The following SPTBN4 variants were observed in gnomAD, a reference collection of about 807,000 sequenced individuals.
SPTBN4 encodes spectrin beta chain, non-erythrocytic 4.
Under a neutral mutation model 277.8 loss-of-function variants are expected in SPTBN4, and 96 were observed. The ratio of observed to expected loss-of-function variants is 0.35; its 90% confidence interval spans 0.29 to 0.41. The LOEUF (loss-of-function observed/expected upper bound fraction) is 0.41. Ranked by LOEUF, SPTBN4 falls within the 10% of genes least tolerant of loss-of-function variation. The pLI is 1.00. For missense variants in SPTBN4, 3,006 were observed against 3,595.7 expected (o/e 0.84, Z 4.19); for synonymous variants, 1,481 against 1,580.3 (o/e 0.94, Z 1.49).
intron 20 of SPTBN4, among the ~76,000 whole-genome samples, chr19:40,543,208 A>T (rs2080820959): frequency 6.6e-6 from 1 of 152,100 alleles, no homozygotes; most frequent in Admixed American, 6.6e-5. Context: ...CCCACACTTT[A>T]GGAGGCCAAG....
At chr19:40,535,384 G>C (rs1261857912) in intron 20 of SPTBN4, among the ~76,000 whole-genome samples, 1 of 152,014 alleles carries the variant, frequency 6.6e-6, no homozygotes, top group Non-Finnish European at 1.5e-5. Flanking sequence ...TTACCTGTCA[G>C]GAACAATGCC....
chr19:40,477,861 G>A (rs1341111805), intron 2 of SPTBN4, among the ~76,000 whole-genome samples: 1 of 151,828 alleles, frequency 6.6e-6, no homozygotes, highest in Non-Finnish European at 1.5e-5. Flanking sequence ...TTTTTGAGAC[G>A]GAGTTTCGCT....
At position 40,554,409 on chromosome 19, in the gene SPTBN4, G is replaced by A. The variant is rs1246159762; in HGVS notation, c.4937G>A (p.Ser1646Asn). The change falls in exon 23 of 36, where the codon AGT becomes AAT. Residue 1646 changes from serine to asparagine, a missense_variant. Ser to Asn is a conservative substitution (Grantham distance 46). Around this residue, in one of 5 missense-constraint regions of SPTBN4, gnomAD observed 1,759 missense variants for 2,061.5 expected, o/e 0.85. Coordinates refer to ENST00000598249, the MANE Select transcript of SPTBN4 (RefSeq NM_020971.3). The surrounding 1 kb of genome is among the most constrained non-coding windows in gnomAD (Gnocchi z 5.7). ...WLGEQELLMM[S>N]EDKGKDEQST... ...GGCGAGCAGGAGCTGCTCATGATGAGTGAGGACAAGGGCAAGGTGCGCCCG... is the reference window on the plus strand; with the variant it reads ...GGCGAGCAGGAGCTGCTCATGATGAATGAGGACAAGGGCAAGGTGCGCCCG... The A allele has an allele frequency of 6.3e-7, 1 of 1,582,876 alleles. No homozygotes were observed. Among genetic ancestry groups the A allele is most frequent in the Admixed American group, 1.8e-5 (1 of 56,720 alleles).
chr19:40,523,683 T>C, intron 17 of SPTBN4, 44 bp downstream of exon 17: 1 of 1,557,404 alleles, frequency 6.4e-7, no homozygotes, highest in Non-Finnish European at 8.7e-7. Context: ...GGGCAGAAGA[T>C]GGGGCCCAGC....
Position 40,575,650 on chromosome 19 carries a change from G to A in SPTBN4, c.*81G>A. The A allele has an allele frequency of 6.8e-7, 1 of 1,473,240 alleles. No homozygotes were observed. The highest frequency in any genetic ancestry group is 1.3e-5 in the South Asian group (1 of 75,404). 91.3% of individuals were successfully genotyped at this position (1,473,240 alleles called of 1,614,324 possible). ...CACAAAGACACTTTTTCTTCCGCAG[G>A]GGCGGGAGCCCCTAGTTCCAACACT... On this transcript the variant is annotated 3_prime_UTR_variant, in exon 36 of 36. Transcript: ENST00000598249.
chr19:40,520,243 T>G (rs1599759949), intron 16 of SPTBN4, 92 bp downstream of exon 16: 3 of 1,256,552 alleles, frequency 2.4e-6, no homozygotes, highest in Non-Finnish European at 1.0e-6. Context: ...GGGAGGAGGG[T>G]GTTTCCTGGG....
At position 40,554,065 on chromosome 19, in the gene SPTBN4, G is replaced by T. The variant is rs1303268572; in HGVS notation, c.4675-82G>T. On this transcript the variant is annotated intron_variant, in intron 22 of 35. Coordinates refer to ENST00000598249, the MANE Select transcript of SPTBN4 (RefSeq NM_020971.3). The surrounding 1 kb of genome is among the most constrained non-coding windows in gnomAD (Gnocchi z 5.7). ...GCTTGTTAATTGCCCCGTGGGCCGT[G>T]CCAGTAGCAGAGGAGCGTGTGGTCT... is the stretch of plus-strand genomic sequence containing the variant. 2.3e-6 allele frequency: 3 copies of T among 1,325,108 alleles called. No individual in the cohort carries two copies. In the Admixed American group the frequency reaches 1.1e-4, roughly 49 times the overall value. 82.1% of individuals were successfully genotyped at this position (1,325,108 alleles called of 1,614,324 possible).
rs999695133 is a variant in SPTBN4 at position 40,519,752 on chromosome 19, G to A, written c.3255G>A (p.Ala1085=). The A allele has an allele frequency of 1.4e-6, 2 of 1,401,938 alleles. No homozygotes were observed. Among genetic ancestry groups the A allele is most frequent in the Admixed American group, 3.5e-5 (1 of 28,262 alleles). 86.8% of individuals were successfully genotyped at this position (1,401,938 alleles called of 1,614,324 possible). ...SAAQACGEAV[A]AAGRLQRFLH... ...CTCAGGCCTGCGGCGAGGCGGTGGCGGCAGCAGGGCGCCTGCAGCGCTTCC... is the reference window on the plus strand; with the variant it reads ...CTCAGGCCTGCGGCGAGGCGGTGGCAGCAGCAGGGCGCCTGCAGCGCTTCC... The change falls in exon 16 of 36, where the codon GCG becomes GCA. Residue 1085 remains alanine, a synonymous_variant. Coordinates refer to ENST00000598249, the MANE Select transcript of SPTBN4 (RefSeq NM_020971.3). This position sits in a 1 kb window ranked among gnomAD's most constrained non-coding sequence, Gnocchi z 5.7.
At chr19:40,556,959 G>A in intron 25 of SPTBN4, 64 bp from the exon 26 acceptor site, 6 of 1,490,540 alleles carry the variant, frequency 4.0e-6, no homozygotes, top group Non-Finnish European at 5.4e-6. Context: ...AGGCTGGAGG[G>A]GGCTGGTGTA....
At chr19:40,573,334 T>C (rs1359332381) in intron 35 of SPTBN4, among the ~76,000 whole-genome samples, 1 of 151,872 alleles carries the variant, frequency 6.6e-6, no homozygotes, top group Admixed American at 6.6e-5. Context: ...GGGTGGGTGA[T>C]CTAGGTAGAG....
rs1194167835 is a variant in SPTBN4 at position 40,560,316 on chromosome 19, A to G, written c.5828A>G (p.Asp1943Gly). 1 of 1,613,948 alleles carries G rather than the reference A, an allele frequency of 6.2e-7. No homozygotes were observed. Among genetic ancestry groups the G allele is most frequent in the Non-Finnish European group, 8.5e-7 (1 of 1,180,010 alleles). The change falls in exon 27 of 36, where the codon GAC (aspartate) becomes GGC (glycine). Residue 1943 changes from aspartate to glycine, a missense_variant. By Grantham distance (94) the Asp-to-Gly change is moderately conservative. Transcript: ENST00000598249. The surrounding 1 kb of genome is among the most constrained non-coding windows in gnomAD (Gnocchi z 5.2). The stretch of plus-strand genomic sequence containing the variant: ...CGCCTGCATGTCAGCTCCACAGCCG[A>G]CGCCCTGCGCTTCCACAGCCAAGTC... ...DARLHVSSTA[D>G]ALRFHSQVRD...
intron 2 of SPTBN4, among the ~76,000 whole-genome samples, chr19:40,484,636 C>T (rs1362438043): frequency 6.6e-6 from 1 of 151,944 alleles, no homozygotes; most frequent in Non-Finnish European, 1.5e-5. Context: ...CTTTTTTAAA[C>T]TTTATTTTTG....
chr19:40,548,200 T>C (rs2080878748), intron 20 of SPTBN4, among the ~76,000 whole-genome samples: 1 of 152,232 alleles, frequency 6.6e-6, no homozygotes, highest in Admixed American at 6.5e-5. Context: ...TTATTTTTGA[T>C]AATTTCTTAC....
chr19:40,535,268 G>C (rs567748034), intron 20 of SPTBN4, among the ~76,000 whole-genome samples: 1 of 151,874 alleles, frequency 6.6e-6, no homozygotes, highest in East Asian at 1.9e-4. Flanking sequence ...ATATTGCCTA[G>C]GGTAGTCTCA....
intron 2 of SPTBN4, among the ~76,000 whole-genome samples, chr19:40,479,790 C>T (rs1213387286): frequency 6.7e-6 from 1 of 149,552 alleles, no homozygotes; most frequent in Non-Finnish European, 1.5e-5. Context: ...TCTCTTGTAA[C>T]CAGCACCCAT....
Position 40,494,949 on chromosome 19 carries a change from G to T in SPTBN4, c.640G>T (p.Ala214Ser). ...NFTTSWRDGL[A>S]FNALIHRHRP... ...CACCACCAGCTGGCGGGATGGCTTGGCCTTCAATGCCCTCATTCACCGGCA... is the reference window on the plus strand; with the variant it reads ...CACCACCAGCTGGCGGGATGGCTTGTCCTTCAATGCCCTCATTCACCGGCA... Residue 214 changes from alanine (A) to serine (S), a missense_variant, in exon 6 of 36, where the codon GCC becomes TCC. Ala to Ser is a moderately conservative substitution (Grantham distance 99). Around this residue, in one of 5 missense-constraint regions of SPTBN4, gnomAD observed 1,759 missense variants for 2,061.5 expected, o/e 0.85. Coordinates refer to ENST00000598249, the MANE Select transcript of SPTBN4 (RefSeq NM_020971.3). 6.2e-7 allele frequency: 1 copy of T among 1,614,090 alleles called. No individual in the cohort carries two copies. The highest frequency in any genetic ancestry group is 8.5e-7 in the Non-Finnish European group (1 of 1,180,006).
chr19:40,501,996 T>C lies in SPTBN4; in HGVS notation c.860T>C (p.Met287Thr), dbSNP rs745857677. ...VVSFYHYFSK[M>T]KALAVEGKRI... ...TCTTTCTACCACTATTTCTCCAAGA[T>C]GAAGGCTCTGGCTGTGGAGGGGAAG... Residue 287 changes from methionine (M) to threonine (T), a missense_variant, in exon 8 of 36, where the codon ATG (methionine) becomes ACG (threonine). Met to Thr is a moderately conservative substitution (Grantham distance 81). Coordinates refer to ENST00000598249, the MANE Select transcript of SPTBN4 (RefSeq NM_020971.3). The C allele has an allele frequency of 2.5e-6, 4 of 1,614,198 alleles. No individual in the cohort carries two copies. The highest frequency in any genetic ancestry group is 2.5e-6 in the Non-Finnish European group (3 of 1,180,028).
intron 16 of SPTBN4, 105 bp from the exon 17 acceptor site, chr19:40,523,332 A>T: frequency 8.9e-7 from 1 of 1,118,114 alleles, no homozygotes; most frequent in Non-Finnish European, 1.3e-6. Context: ...GGAATGTTCT[A>T]TGCTTGCAAG....
chr19:40,557,875 G>A (rs1675400), intron 26 of SPTBN4, among the ~76,000 whole-genome samples: 64,095 of 140,616 alleles, frequency 0.46, 14,809 homozygotes, highest in Middle Eastern at 0.5. Flanking sequence ...CCCAGATCTC[G>A]CCATTGCACT....
Sources: gnomAD v4.1 joint callset for allele counts (sites outside exome capture counted in the v4.1 genomes callset) on GRCh38, gnomAD v4.1.1 for gene constraint, gnomAD v4.1.1 regional missense constraint, Gnocchi (gnomAD v3.1) non-coding constraint, MANE v1.5 for transcripts, NCBI Gene and HGNC (gene_info 2026-07-23, HGNC 2026-07-21) for gene names.